SLC10A1: variants seen among roughly 807,000 people sequenced by gnomAD.
The protein encoded by SLC10A1 is solute carrier family 10 member 1, also known as hepatic sodium/bile acid cotransporter.
A neutral mutation model predicts 20.5 loss-of-function variants in SLC10A1; 36 were observed. The ratio of observed to expected loss-of-function variants is 1.75; its 90% CI spans 1.34 to 2.32. The LOEUF (loss-of-function observed/expected upper bound fraction) is 2.32, where lower values mean the gene tolerates loss of function less well. Among genes scored for constraint, SLC10A1 ranks in the 30% most tolerant of loss-of-function variants. SLC10A1 has a pLI of 0.00. For synonymous variants in SLC10A1, 188 were observed against 163.6 expected (o/e 1.15, Z -1.14); for missense variants, 545 against 439.1 (o/e 1.24, Z -2.16).
intron 1 of SLC10A1, among the ~76,000 whole-genome samples, chr14:69,793,882 A>C (rs1052591939): frequency 1.3e-5 from 2 of 152,108 alleles, no homozygotes; most frequent in African/African-American, 2.4e-5. Context: ...TGTCACCTAC[A>C]TTTTTTGAAA....
chr14:69,796,696 G>A (rs975035300), intron 1 of SLC10A1, 104 bp downstream of exon 1: 2 of 943,032 alleles, frequency 2.1e-6, no homozygotes, highest in African/African-American at 1.6e-5. Context: ...CACCCAGCCT[G>A]CATTCACTCC....
At chr14:69,790,619 CA>C (rs1883813842) in intron 1 of SLC10A1, among the ~76,000 whole-genome samples, 1 of 151,860 alleles carries the variant, frequency 6.6e-6, no homozygotes, top group Non-Finnish European at 1.5e-5. Flanking sequence ...AGTACACTAG[CA>C]ACGGAATGAA....
At chr14:69,779,738 C>T (rs1044833639) in intron 2 of SLC10A1, among the ~76,000 whole-genome samples, 5 of 152,180 alleles carry the variant, frequency 3.3e-5, no homozygotes, top group African/African-American at 1.2e-4. Flanking sequence ...ATTACAAACT[C>T]AGCCAAGCAC....
intron 1 of SLC10A1, among the ~76,000 whole-genome samples, chr14:69,792,683 CAT>C (rs1462026416): frequency 6.6e-6 from 1 of 152,162 alleles, no homozygotes; most frequent in Non-Finnish European, 1.5e-5. Context: ...CATATGCCCT[CAT>C]GTGGGCAGAG....
intron 2 of SLC10A1, among the ~76,000 whole-genome samples, chr14:69,785,619 T>C (rs1459988063): frequency 6.7e-6 from 1 of 149,888 alleles, no homozygotes; most frequent in Non-Finnish European, 1.5e-5. Context: ...GTTTTAGAGA[T>C]GGAGTCTTGC....
At position 69,788,770 on chromosome 14, in the gene SLC10A1, TCTC is replaced by T. The variant is rs1388258306; in HGVS notation, c.357-2466_357-2464del. Among the ~76,000 whole-genome samples the T allele has an allele frequency of 2.7e-4, 41 of 152,232 alleles. 1 individual carries two copies. Among genetic ancestry groups the T allele is most frequent in the African/African-American group, 9.9e-4 (41 of 41,556 alleles). On this transcript the variant is annotated intron_variant, in intron 1 of 4. Transcript: ENST00000216540. ...ACCGTGTTAGCCAGGATAGTCTCGA[TCTC>T]CTGACCTCGTGATCCACCCGCCTGG...
rs146502852 is a variant in SLC10A1, at chr14:69,788,446, A to G, written c.357-2139T>C. On this transcript the variant is annotated intron_variant, in intron 1 of 4. Transcript: ENST00000216540. The stretch of plus-strand genomic sequence containing the variant: ...ATATTAAAAACTTGTGATTCAAAGG[A>G]CACCATCAAGAAAGTGAAAAGCCAA... Among the ~76,000 whole-genome samples, 347 of 152,304 alleles carry G rather than the reference A, an allele frequency of 2.3e-3. 3 individuals are homozygous for G. Among genetic ancestry groups the G allele is most frequent in the Middle Eastern group, 6.8e-3 (2 of 294 alleles).
At position 69,786,326 on chromosome 14, in the gene SLC10A1, A is replaced by C; in HGVS notation, c.357-19T>G. 6.2e-7 allele frequency: 1 copy of C among 1,602,206 alleles called. No homozygotes were observed. Among genetic ancestry groups the C allele is most frequent in the Non-Finnish European group, 8.6e-7 (1 of 1,169,424 alleles). Reference sequence around the variant, plus strand: ...CACAATGCTGGTGGGAGACATGGGAAGAGGGGAGAGAGAGAGAGCCCATAA... The same window carrying C: ...CACAATGCTGGTGGGAGACATGGGACGAGGGGAGAGAGAGAGAGCCCATAA... On this transcript the variant is annotated intron_variant, in intron 1 of 4. Transcript: ENST00000216540.
rs1481533897 is a variant in SLC10A1 at position 69,776,487 on chromosome 14, C to G, written c.944-99G>C. The G allele has an allele frequency of 5.8e-6, 5 of 854,958 alleles. No homozygotes were observed. The African/African-American group carries it at 6.7e-5, about 12-fold the overall frequency. 53.0% of individuals were successfully genotyped at this position (854,958 alleles called of 1,614,324 possible). On this transcript the variant is annotated intron_variant, in intron 4 of 4. Transcript: ENST00000216540. ...AAAGTACAAAAATACCAACTCAGCCCTAGAGTGTGCTAAGTATATATTTTC... is the reference window on the plus strand; with the variant it reads ...AAAGTACAAAAATACCAACTCAGCCGTAGAGTGTGCTAAGTATATATTTTC...
chr14:69,777,542 T>C (rs755972237), intron 4 of SLC10A1, among the ~76,000 whole-genome samples: 1 of 150,156 alleles, frequency 6.7e-6, no homozygotes, highest in South Asian at 2.1e-4. Flanking sequence ...TTGAGAGTTA[T>C]AATGAAATGT....
At position 69,775,998 on chromosome 14, in the gene SLC10A1, T is replaced by C. The variant is rs200093634; in HGVS notation, c.*284A>G. The C allele has an allele frequency of 5.0e-6, 2 of 397,436 alleles. No individual in the cohort carries two copies. The highest frequency in any genetic ancestry group is 7.2e-5 in the South Asian group (2 of 27,882). The allele number at this position is 397,436 out of a possible 1,614,324, so 24.6% of individuals were successfully genotyped here. On this transcript the variant is annotated 3_prime_UTR_variant, in exon 5 of 5. Coordinates refer to ENST00000216540, the MANE Select transcript of SLC10A1 (RefSeq NM_003049.4). ...CTTTAAGATGCTTATCAGACACTTT[T>C]AGAGATCCCAGCAAGAGGCAGATTC...
chr14:69,784,476 G>A (rs891847341), intron 2 of SLC10A1, among the ~76,000 whole-genome samples: 9 of 152,078 alleles, frequency 5.9e-5, no homozygotes, highest in Non-Finnish European at 1.2e-4. Flanking sequence ...GAGCTCTGGC[G>A]GTGGCATGGG....
In SLC10A1 at chr14:69,778,354, C is replaced by A; in HGVS notation, c.922G>T (p.Glu308Ter). Residue 308 changes from glutamate to a stop codon, truncating the protein, a stop_gained, in exon 4 of 5, where the codon GAG (glutamate) becomes TAG (stop). Transcript: ENST00000216540. LOFTEE classifies it low-confidence loss of function (END_TRUNC). Reference sequence around the variant, plus strand: ...TCACCCTTGGGAGTCTTGAATTTCTCATAGCACCAAAATATGGCAATGAGG... The same window carrying A: ...TCACCCTTGGGAGTCTTGAATTTCTAATAGCACCAAAATATGGCAATGAGG... The part of the protein sequence containing the change: ...LLLIAIFWCY[E>*]KFKTPKDKTK... 6.2e-7 allele frequency: 1 copy of A among 1,608,434 alleles called. No individual in the cohort carries two copies. Among genetic ancestry groups the A allele is most frequent in the Non-Finnish European group, 8.5e-7 (1 of 1,177,502 alleles).
At position 69,779,191 on chromosome 14, in the gene SLC10A1, A is replaced by G. The variant is rs1883525848; in HGVS notation, c.737T>C (p.Leu246Pro). Reference protein sequence around the residue: ...LGYVLSALFCLNGRCRRTVSM... With the variant: ...LGYVLSALFCPNGRCRRTVSM... ...AAAAAAAAATACCTACCGTCCATTGAGGCAGAAGAGAGCAGAGAGAACATA... is the reference window on the plus strand; with the variant it reads ...AAAAAAAAATACCTACCGTCCATTGGGGCAGAAGAGAGCAGAGAGAACATA... Residue 246 changes from leucine to proline, a missense_variant, in exon 3 of 5, where the codon CTC becomes CCC. Transcript: ENST00000216540. 4 of 1,604,742 alleles carry G rather than the reference A, an allele frequency of 2.5e-6. No homozygotes were observed. The highest frequency in any genetic ancestry group is 2.2e-5 in the East Asian group (1 of 44,796).
intron 4 of SLC10A1, among the ~76,000 whole-genome samples, chr14:69,777,751 A>G (rs771283953): frequency 5.3e-5 from 8 of 151,926 alleles, no homozygotes; most frequent in Non-Finnish European, 1.0e-4. Flanking sequence ...TAAAGTATAA[A>G]TCATATTAAG....
At chr14:69,777,730 A>G (rs2139709194) in intron 4 of SLC10A1, among the ~76,000 whole-genome samples, 1 of 152,084 alleles carries the variant, frequency 6.6e-6, no homozygotes, top group African/African-American at 2.4e-5. Context: ...TTAACCCCAT[A>G]GTGATCAGAG....
chr14:69,792,161 G>T (rs957763069), intron 1 of SLC10A1, among the ~76,000 whole-genome samples: 4 of 151,912 alleles, frequency 2.6e-5, no homozygotes, highest in African/African-American at 9.7e-5. Flanking sequence ...TGCCATGTTG[G>T]ACAGGCTTGT....
rs940525630 is a variant in SLC10A1 at position 69,775,421 on chromosome 14, T to C, written c.*861A>G. On this transcript the variant is annotated 3_prime_UTR_variant, in exon 5 of 5. Coordinates refer to ENST00000216540, the MANE Select transcript of SLC10A1 (RefSeq NM_003049.4). ...ACTTGATCCTTATTTACATATGATA[T>C]GCAAAATGTTTAAATTTTATTAGAG... 3.9e-5 allele frequency: 6 copies of C among 152,276 alleles called. No individual in the cohort carries two copies. Among genetic ancestry groups the C allele is most frequent in the Non-Finnish European group, 7.3e-5 (5 of 68,044 alleles). 9.4% of individuals were successfully genotyped at this position (152,276 alleles called of 1,614,324 possible).
In SLC10A1 at chr14:69,779,369, GAAGAC is replaced by G. The variant is rs778342673; in HGVS notation, c.568-14_568-10del. ...ATGATGATCATCCCTCCCTGGGAATGAAGACAAGAAAAGGCAATTAGAAGAGTTGG... is the reference window on the plus strand; with the variant it reads ...ATGATGATCATCCCTCCCTGGGAATGAAGAAAAGGCAATTAGAAGAGTTGG... On this transcript the variant is annotated splice_polypyrimidine_tract_variant and intron_variant, in intron 2 of 4. Transcript: ENST00000216540. 3 of 1,600,780 alleles carry G rather than the reference GAAGAC, an allele frequency of 1.9e-6. No homozygotes were observed. In the African/African-American group the frequency reaches 4.0e-5, roughly 21 times the overall value.
Sources: gnomAD v4.1 joint callset for allele counts (sites outside exome capture counted in the v4.1 genomes callset) on GRCh38, gnomAD v4.1.1 for gene constraint, MANE v1.5 for transcripts, NCBI Gene and HGNC (gene_info 2026-07-23, HGNC 2026-07-21) for gene names.